The following ABCD2 variants were observed in gnomAD, a reference collection of about 807,000 sequenced individuals.
ABCD2 encodes ATP binding cassette subfamily D member 2.
ABCD2 carries 36 observed loss-of-function variants against 70.9 expected under a neutral mutation model. The observed-to-expected ratio is 0.51, with a 90% CI of 0.39 to 0.67. The LOEUF (loss-of-function observed/expected upper bound fraction) is 0.67. Among genes scored for constraint, ABCD2 ranks in the 30% least tolerant of loss-of-function variants. The pLI is 0.00. For missense variants in ABCD2, 729 were observed against 890.2 expected (o/e 0.82, Z 2.30); for synonymous variants, 304 against 306.9 (o/e 0.99, Z 0.10).
chr12:39,615,156 A>G (rs1942098733), intron 2 of ABCD2, among the ~76,000 whole-genome samples: 1 of 151,678 alleles, frequency 6.6e-6, no homozygotes, highest in East Asian at 1.9e-4. Context: ...TTAATTTGTC[A>G]CCATTTAATA....
chr12:39,543,874 T>C, the ABCD2 span, among the ~76,000 whole-genome samples: 2 of 152,212 alleles, frequency 1.3e-5, no homozygotes, highest in Non-Finnish European at 2.9e-5. Flanking sequence ...CAGTATCCTC[T>C]ATCAGCTCAC....
At position 39,550,335 on chromosome 12, in the gene ABCD2, A is replaced by G. The variant is rs1421680422; in HGVS notation, c.*3577T>C. 1 of 151,776 alleles carries G rather than the reference A, an allele frequency of 6.6e-6. No individual in the cohort carries two copies. Among genetic ancestry groups the G allele is most frequent in the Admixed American group, 6.6e-5 (1 of 15,210 alleles). The allele number at this position is 151,776 out of a possible 1,614,324, so 9.4% of individuals were successfully genotyped here. ...TTAATGGTTAAGGAATTCATAAGGA[A>G]TGATGAGTTCAAGTAAATACACATC... On this transcript the variant is annotated 3_prime_UTR_variant, in exon 10 of 10. Transcript: ENST00000308666.
chr12:39,571,486 T>C (rs1435691251), intron 9 of ABCD2, among the ~76,000 whole-genome samples: 1 of 152,176 alleles, frequency 6.6e-6, no homozygotes, highest in Non-Finnish European at 1.5e-5. Context: ...AAATACCACA[T>C]GATCTCACTC....
intron 8 of ABCD2, among the ~76,000 whole-genome samples, chr12:39,577,304 T>C (rs1205260676): frequency 6.6e-6 from 1 of 152,180 alleles, no homozygotes; most frequent in Non-Finnish European, 1.5e-5. Flanking sequence ...TATGTTCTTA[T>C]TCAAAAGGCT....
chr12:39,569,524 C>T (rs1213722901), intron 9 of ABCD2, among the ~76,000 whole-genome samples: 1 of 152,210 alleles, frequency 6.6e-6, no homozygotes, highest in Non-Finnish European at 1.5e-5. Context: ...TGCCGTCTGT[C>T]AACCCTTACT....
chr12:39,610,185 T>C (rs1942026270), intron 2 of ABCD2, among the ~76,000 whole-genome samples: 3 of 152,130 alleles, frequency 2.0e-5, no homozygotes. Context: ...CTGGTTAAGT[T>C]TACAGTATGG....
intron 8 of ABCD2, among the ~76,000 whole-genome samples, chr12:39,575,597 T>C (rs1941505587): frequency 6.6e-6 from 1 of 152,204 alleles, no homozygotes; most frequent in Admixed American, 6.5e-5. Context: ...AATACTATTG[T>C]GATGCTTAGT....
chr12:39,613,341 C>G (rs1262627382), intron 2 of ABCD2, among the ~76,000 whole-genome samples: 3 of 129,228 alleles, frequency 2.3e-5, no homozygotes, highest in Admixed American at 1.5e-4. Context: ...AGCCGAGATC[C>G]CGCCACTGCA....
chr12:39,590,665 TTA>T (rs758755596), intron 6 of ABCD2, among the ~76,000 whole-genome samples: 23 of 152,126 alleles, frequency 1.5e-4, no homozygotes, highest in South Asian at 6.2e-4. Flanking sequence ...TTATGGCTTT[TTA>T]TAGTTTTGTT....
At chr12:39,568,531 A>T (rs962406482) in intron 9 of ABCD2, among the ~76,000 whole-genome samples, 1 of 151,608 alleles carries the variant, frequency 6.6e-6, no homozygotes, top group African/African-American at 2.4e-5. Flanking sequence ...CATTCGTCTA[A>T]TTTTTTTTCA....
At chr12:39,562,423 C>A (rs1291632483) in intron 9 of ABCD2, among the ~76,000 whole-genome samples, 3 of 150,708 alleles carry the variant, frequency 2.0e-5, no homozygotes, top group Admixed American at 2.0e-4. Context: ...TCAAAGATAA[C>A]CAAATTTGAC....
chr12:39,583,050 T>C (rs1941618212), intron 7 of ABCD2, among the ~76,000 whole-genome samples: 1 of 151,988 alleles, frequency 6.6e-6, no homozygotes. Flanking sequence ...TGTAGGGAAG[T>C]GGTTTCACCA....
intron 6 of ABCD2, among the ~76,000 whole-genome samples, chr12:39,587,546 G>A (rs1941682543): frequency 6.6e-6 from 1 of 152,018 alleles, no homozygotes; most frequent in Non-Finnish European, 1.5e-5. Flanking sequence ...TAAAAAGAAA[G>A]CAAAATGAAA....
At chr12:39,613,156 G>A (rs1942067889) in intron 2 of ABCD2, among the ~76,000 whole-genome samples, 1 of 87,742 alleles carries the variant, frequency 1.1e-5, no homozygotes, top group Non-Finnish European at 2.1e-5. Context: ...GGAGGCCGAG[G>A]CGGGCGGATC....
chr12:39,533,225 A>G, the ABCD2 span, among the ~76,000 whole-genome samples: 1 of 152,254 alleles, frequency 6.6e-6, no homozygotes, highest in African/African-American at 2.4e-5. Flanking sequence ...ATGCTTACCA[A>G]TTTATTCACA....
At chr12:39,606,065 A>G (rs889487102) in intron 3 of ABCD2, among the ~76,000 whole-genome samples, 1 of 152,178 alleles carries the variant, frequency 6.6e-6, no homozygotes, top group Non-Finnish European at 1.5e-5. Context: ...TTAAAGATCA[A>G]CAAAATAGGG....
Position 39,616,612 on chromosome 12 carries a change from A to G in ABCD2, c.1120+376T>C, listed in dbSNP as rs533848311. The stretch of plus-strand genomic sequence containing the variant: ...AGACTAAATGTATGGGATGTATAGA[A>G]CTAATGTTTATAACACATGAGGAAT... On this transcript the variant is annotated intron_variant, in intron 2 of 9. Transcript: ENST00000308666. Among the ~76,000 whole-genome samples, 5 of 152,282 alleles carry G rather than the reference A, an allele frequency of 3.3e-5. No homozygotes were observed. In the South Asian group the frequency reaches 1.0e-3, roughly 32 times the overall value.
At chr12:39,586,918 T>A (rs1297833451) in intron 6 of ABCD2, among the ~76,000 whole-genome samples, 1 of 152,168 alleles carries the variant, frequency 6.6e-6, no homozygotes, top group African/African-American at 2.4e-5. Context: ...TGGCAAAAAT[T>A]CAACAACTTG....
intron 6 of ABCD2, among the ~76,000 whole-genome samples, chr12:39,596,742 T>A (rs1382392367): frequency 6.6e-6 from 1 of 152,168 alleles, no homozygotes; most frequent in Non-Finnish European, 1.5e-5. Context: ...TTCAAGATAT[T>A]TCTGCCAAGG....
Sources: allele counts gnomAD v4.1 joint callset (sites outside exome capture counted in the v4.1 genomes callset), GRCh38; gene constraint gnomAD v4.1.1; transcripts MANE v1.5; gene names NCBI Gene and HGNC (gene_info 2026-07-23, HGNC 2026-07-21).